KALRN: variants seen among roughly 807,000 people sequenced by gnomAD.
KALRN encodes the protein kalirin RhoGEF kinase.
In KALRN, 70 loss-of-function variants were observed where a neutral mutation model predicts 353.7. The observed-to-expected ratio is 0.20, with a 90% CI of 0.16 to 0.24. The LOEUF (loss-of-function observed/expected upper bound fraction) is 0.24, where lower values mean the gene tolerates loss of function less well. KALRN is among the 10% of genes least tolerant of loss of function. The probability of loss-of-function intolerance (pLI) is 1.00; values close to 1 mark genes in which losing one functional copy is unlikely to be tolerated. For synonymous variants in KALRN, 1,391 were observed against 1,434.8 expected (o/e 0.97, Z 0.69); for missense variants, 2,791 against 3,756.7 (o/e 0.74, Z 6.72).
chr3:124,698,913 G>A (rs1299747895), intron 55 of KALRN, among the ~76,000 whole-genome samples: 1 of 152,138 alleles, frequency 6.6e-6, no homozygotes, highest in Non-Finnish European at 1.5e-5. Flanking sequence ...GAAGCTGCCA[G>A]ATAGCTCTAA....
rs2063346313 is a variant in KALRN, at chr3:124,721,063, A to T, written c.*1593A>T. Reference sequence around the variant, plus strand: ...GCAAGAAGAGAATTTATGAAGGATGAATAGAACTACAAACCTATCTAAATG... The same window carrying T: ...GCAAGAAGAGAATTTATGAAGGATGTATAGAACTACAAACCTATCTAAATG... On this transcript the variant is annotated 3_prime_UTR_variant, in exon 60 of 60. Coordinates refer to ENST00000682506, the MANE Select transcript of KALRN (RefSeq NM_001388419.1). The T allele has an allele frequency of 6.6e-6, 1 of 152,236 alleles. No individual in the cohort carries two copies. The highest frequency in any genetic ancestry group is 1.9e-4 in the East Asian group (1 of 5,202). The allele number at this position is 152,236 out of a possible 1,614,324, so 9.4% of individuals were successfully genotyped here.
chr3:124,394,248 A>G (rs1307477218), intron 11 of KALRN, among the ~76,000 whole-genome samples: 2 of 152,132 alleles, frequency 1.3e-5, no homozygotes, highest in Non-Finnish European at 2.9e-5. Context: ...TAGAGCCCTG[A>G]GCTTATCTTT....
intron 34 of KALRN, among the ~76,000 whole-genome samples, chr3:124,571,105 G>A (rs1016894157): frequency 4.6e-5 from 7 of 152,140 alleles, no homozygotes; most frequent in African/African-American, 1.7e-4. Context: ...ATCCACCAGT[G>A]CTAATTATTA....
intron 1 of KALRN, among the ~76,000 whole-genome samples, chr3:124,144,593 G>A (rs570029299): frequency 2.5e-4 from 33 of 131,236 alleles, no homozygotes; most frequent in East Asian, 4.5e-4. Flanking sequence ...CCTCTTCCTC[G>A]TCTTCCTTCT....
At chr3:124,287,865 AAT>A (rs1011414791) in intron 5 of KALRN, among the ~76,000 whole-genome samples, 5 of 122,184 alleles carry the variant, frequency 4.1e-5, no homozygotes, top group Non-Finnish European at 6.9e-5. Flanking sequence ...ATGTATATTT[AAT>A]ATATATATTT....
At chr3:124,713,825 G>A (rs1191075479) in intron 58 of KALRN, among the ~76,000 whole-genome samples, 1 of 152,168 alleles carries the variant, frequency 6.6e-6, no homozygotes, top group Non-Finnish European at 1.5e-5. Flanking sequence ...GAGGCCCTTG[G>A]CCTAGACAGG....
chr3:124,679,566 G>A (rs773627498), intron 51 of KALRN, 49 bp downstream of exon 51: 123 of 1,475,930 alleles, frequency 8.3e-5, no homozygotes, highest in Middle Eastern at 1.7e-4. Context: ...TGCCTTTTTT[G>A]ATGTGTTCTG....
intron 34 of KALRN, among the ~76,000 whole-genome samples, chr3:124,612,356 A>G (rs544908328): frequency 6.6e-6 from 1 of 152,344 alleles, no homozygotes; most frequent in Non-Finnish European, 1.5e-5. Flanking sequence ...GGCATGTGCC[A>G]CCATGCCCAG....
At chr3:124,169,798 G>A (rs1000212166) in intron 1 of KALRN, among the ~76,000 whole-genome samples, 1 of 152,196 alleles carries the variant, frequency 6.6e-6, no homozygotes. Context: ...AGAGGGGACA[G>A]TTCTCTCTGG....
chr3:124,527,024 A>G (rs2067647601), intron 33 of KALRN, among the ~76,000 whole-genome samples: 1 of 152,246 alleles, frequency 6.6e-6, no homozygotes, highest in South Asian at 2.1e-4. Flanking sequence ...TGGTGGAAAT[A>G]CAGACAAATA....
chr3:124,689,217 A>C (rs1393952913), intron 51 of KALRN, among the ~76,000 whole-genome samples: 1 of 151,510 alleles, frequency 6.6e-6, no homozygotes, highest in African/African-American at 2.4e-5. Context: ...TCTTTTTTTT[A>C]TTTTTTTGAA....
chr3:124,054,779 T>C (rs1162232687), intron 1 of KALRN, among the ~76,000 whole-genome samples: 2 of 152,224 alleles, frequency 1.3e-5, no homozygotes, highest in Non-Finnish European at 2.9e-5. Flanking sequence ...TGATACAGTC[T>C]TCCTGAGAAT....
At chr3:124,550,047 T>C (rs1014082223) in intron 33 of KALRN, among the ~76,000 whole-genome samples, 1 of 152,140 alleles carries the variant, frequency 6.6e-6, no homozygotes, top group Non-Finnish European at 1.5e-5. Context: ...GAATGGACAG[T>C]GGGAGAGACC....
intron 1 of KALRN, among the ~76,000 whole-genome samples, chr3:124,091,284 T>A (rs986005233): frequency 3.9e-5 from 6 of 152,090 alleles, no homozygotes; most frequent in Non-Finnish European, 8.8e-5. Flanking sequence ...GGTCTTCACT[T>A]TGGTTTGCAG....
intron 33 of KALRN, among the ~76,000 whole-genome samples, chr3:124,562,158 G>C (rs1457323403): frequency 6.6e-6 from 1 of 152,192 alleles, no homozygotes; most frequent in Non-Finnish European, 1.5e-5. Context: ...CAGTGCCTGA[G>C]CCTTTGAGGC....
chr3:124,034,703 A>G (rs1433132158), intron 1 of KALRN, among the ~76,000 whole-genome samples: 1 of 152,046 alleles, frequency 6.6e-6, no homozygotes, highest in Non-Finnish European at 1.5e-5. Flanking sequence ...TCTGATGGCC[A>G]GGGATTCCCC....
chr3:124,035,796 C>G (rs539739293), intron 1 of KALRN, among the ~76,000 whole-genome samples: 2 of 152,306 alleles, frequency 1.3e-5, no homozygotes, highest in South Asian at 4.1e-4. Context: ...TGTGGGATTC[C>G]TATGTTGGGG....
At chr3:124,277,957 AG>A (rs2074931073) in intron 5 of KALRN, among the ~76,000 whole-genome samples, 1 of 151,306 alleles carries the variant, frequency 6.6e-6, no homozygotes, top group African/African-American at 2.4e-5. Flanking sequence ...GCAGCAGTTG[AG>A]GTGAGCTGTG....
At chr3:124,505,415 A>G (rs998370040) in intron 33 of KALRN, among the ~76,000 whole-genome samples, 1 of 152,142 alleles carries the variant, frequency 6.6e-6, no homozygotes, top group Non-Finnish European at 1.5e-5. Flanking sequence ...GGATCAGCTG[A>G]GTCTAGGAGC....
Sources: gnomAD v4.1 joint callset for allele counts (sites outside exome capture counted in the v4.1 genomes callset) on GRCh38, gnomAD v4.1.1 for gene constraint, MANE v1.5 for transcripts, NCBI Gene and HGNC (gene_info 2026-07-23, HGNC 2026-07-21) for gene names.